PIGM: variants seen among roughly 807,000 people sequenced by gnomAD.
PIGM encodes GPI alpha-1,4-mannosyltransferase I, catalytic subunit.
In PIGM, 7 loss-of-function variants were observed where a neutral mutation model predicts 14.6. The observed-to-expected ratio is 0.48, with a 90% CI of 0.27 to 0.90. The LOEUF (loss-of-function observed/expected upper bound fraction) is 0.90, where lower values mean the gene tolerates loss of function less well. PIGM is among the 40% of genes least tolerant of loss of function. The pLI is 0.12. For missense variants in PIGM, 506 were observed against 516.2 expected (o/e 0.98, Z 0.19); for synonymous variants, 216 against 215.9 (o/e 1.00, Z 0.00).
rs1648165582 is a variant in PIGM at position 160,025,586 on chromosome 1, G to C, written c.*4882C>G. 6.6e-6 allele frequency: 1 copy of C among 152,202 alleles called. No individual in the cohort carries two copies. The highest frequency in any genetic ancestry group is 2.4e-5 in the African/African-American group (1 of 41,450). 9.4% of individuals were successfully genotyped at this position (152,202 alleles called of 1,614,324 possible). ...GAGGGTTTGGAGGTGGAGGGGAGTT[G>C]TTAAAGGCCTGGAATCATTGAAAAG... On this transcript the variant is annotated 3_prime_UTR_variant, in exon 1 of 1. Transcript: ENST00000368090.
rs1456715746 is a variant in PIGM at position 160,031,132 on chromosome 1, CTTTT to C, written c.604_607del (p.Lys202AlafsTer17). The C allele has an allele frequency of 6.2e-7, 1 of 1,613,790 alleles. No homozygotes were observed. The highest frequency in any genetic ancestry group is 1.3e-5 in the African/African-American group (1 of 74,860). ...GAAAGTGTACCGGAATTGACGGAGGCTTTTGTCATTGTCGCGATCTGGAAGCAGG... is the reference window on the plus strand; with the variant it reads ...GAAAGTGTACCGGAATTGACGGAGGCGTCATTGTCGCGATCTGGAAGCAGG... On this transcript the variant is annotated frameshift_variant, in exon 1 of 1. Coordinates refer to ENST00000368090, the MANE Select transcript of PIGM (RefSeq NM_145167.3). LOFTEE classifies it high-confidence loss of function.
rs371507820 is a variant in PIGM at position 160,030,702 on chromosome 1, C to T, written c.1038G>A (p.Val346=). The T allele has an allele frequency of 4.3e-6, 7 of 1,614,112 alleles. No homozygotes were observed. The highest frequency in any genetic ancestry group is 5.9e-6 in the Non-Finnish European group (7 of 1,179,980). ...FLWYLCLLPL[V]MPLVRMPWKR... ...TCCAAGGCATTCTGACTAGTGGCAT[C>T]ACAAGAGGCAGTAAGCAGAGGTACC... The change falls in exon 1 of 1, where the codon GTG becomes GTA. Residue 346 remains valine (V), a synonymous_variant. Coordinates refer to ENST00000368090, the MANE Select transcript of PIGM (RefSeq NM_145167.3).
Position 160,031,952 on chromosome 1 carries a change from C to G in PIGM, c.-213G>C. ...GCGCGGTCTTCTCAGCCGCCCGAGC[C>G]AAAAACTTGCCTTCCTCTGGATGGA... On this transcript the variant is annotated 5_prime_UTR_variant, in exon 1 of 1. Coordinates refer to ENST00000368090, the MANE Select transcript of PIGM (RefSeq NM_145167.3). 1 of 666,826 alleles carries G rather than the reference C, an allele frequency of 1.5e-6. No homozygotes were observed. 41.3% of individuals were successfully genotyped at this position (666,826 alleles called of 1,614,324 possible).
rs972127638 is a variant in PIGM, at chr1:160,027,648, A to G, written c.*2820T>C. The G allele has an allele frequency of 2.6e-5, 4 of 152,262 alleles. No homozygotes were observed. The highest frequency in any genetic ancestry group is 1.3e-4 in the Admixed American group (2 of 15,300). The allele number at this position is 152,262 out of a possible 1,614,324, so 9.4% of individuals were successfully genotyped here. A position where few individuals can be genotyped will look rare whatever the true frequency, so the allele number is the denominator to read the frequency against. On this transcript the variant is annotated 3_prime_UTR_variant, in exon 1 of 1. Coordinates refer to ENST00000368090, the MANE Select transcript of PIGM (RefSeq NM_145167.3). The stretch of plus-strand genomic sequence containing the variant: ...TAAGAGGTGGTATAAGAAAAAAAGA[A>G]TTATATAGGAAATAAGCCAAAGTCT...
chr1:160,030,573 A>T lies in PIGM; in HGVS notation c.1167T>A (p.Ile389=). The change falls in exon 1 of 1, where the codon ATT becomes ATA. Residue 389 remains isoleucine (I), a synonymous_variant. Transcript: ENST00000368090. Reference sequence around the variant, plus strand: ...GAAGAAAGAACAAACCAGCTAACCAAATAAACAGAAAGGTGTTCTTTCCTT... The same window carrying T: ...GAAGAAAGAACAAACCAGCTAACCATATAAACAGAAAGGTGTTCTTTCCTT... The part of the protein sequence containing the change: ...EFQGKNTFLF[I]WLAGLFFLLI... 4 of 1,614,130 alleles carry T rather than the reference A, an allele frequency of 2.5e-6. No individual in the cohort carries two copies. The highest frequency in any genetic ancestry group is 3.4e-6 in the Non-Finnish European group (4 of 1,179,960).
chr1:160,030,775 G>C lies in PIGM; in HGVS notation c.965C>G (p.Ser322Cys). The change falls in exon 1 of 1, where the codon TCC (serine) becomes TGC (cysteine). Residue 322 changes from serine (S) to cysteine (C), a missense_variant. By Grantham distance (112) the Ser-to-Cys change is moderately radical. Coordinates refer to ENST00000368090, the MANE Select transcript of PIGM (RefSeq NM_145167.3). The stretch of plus-strand genomic sequence containing the variant: ...GACTTTGTTAAAAGTCACAAAAATG[G>C]ACGTATGAAGAAAACAACAAAAAAC... ...DLVFCCFLHT[S>C]IFVTFNKVCT... The C allele has an allele frequency of 6.2e-7, 1 of 1,614,148 alleles. No homozygotes were observed. The highest frequency in any genetic ancestry group is 8.5e-7 in the Non-Finnish European group (1 of 1,180,026).
rs1648352071 is a variant in PIGM, at chr1:160,031,905, A to G, written c.-166T>C. 5.6e-6 allele frequency: 5 copies of G among 885,740 alleles called. No individual in the cohort carries two copies. Among genetic ancestry groups the G allele is most frequent in the Admixed American group, 2.0e-5 (1 of 49,920 alleles). 54.9% of individuals were successfully genotyped at this position (885,740 alleles called of 1,614,324 possible). On this transcript the variant is annotated 5_prime_UTR_variant, in exon 1 of 1. Coordinates refer to ENST00000368090, the MANE Select transcript of PIGM (RefSeq NM_145167.3). ...ATCCGGCATGAAGCCCCGCCCCCGT[A>G]CTGCTACCTGTCTCCAGCCCCGCGC...
At position 160,026,896 on chromosome 1, in the gene PIGM, T is replaced by G. The variant is rs1648197337; in HGVS notation, c.*3572A>C. ...CAAGGTGTTGCTCTGTCACCCAGGC[T>G]GGAGTGCAGTGGCACAATCATAGTT... On this transcript the variant is annotated 3_prime_UTR_variant, in exon 1 of 1. Coordinates refer to ENST00000368090, the MANE Select transcript of PIGM (RefSeq NM_145167.3). 6.6e-6 allele frequency: 1 copy of G among 152,102 alleles called. No homozygotes were observed. The highest frequency in any genetic ancestry group is 1.5e-5 in the Non-Finnish European group (1 of 68,018). The allele number at this position is 152,102 out of a possible 1,614,324, so 9.4% of individuals were successfully genotyped here.
In PIGM at chr1:160,026,821, G is replaced by A. The variant is rs1036258811; in HGVS notation, c.*3647C>T. The A allele has an allele frequency of 5.9e-5, 9 of 151,962 alleles. No individual in the cohort carries two copies. The East Asian group carries it at 1.6e-3, about 26-fold the overall frequency. 9.4% of individuals were successfully genotyped at this position (151,962 alleles called of 1,614,324 possible). On this transcript the variant is annotated 3_prime_UTR_variant, in exon 1 of 1. Coordinates refer to ENST00000368090, the MANE Select transcript of PIGM (RefSeq NM_145167.3). Reference sequence around the variant, plus strand: ...AGCCTGGGTGACAAAGCAACATCTTGTCTCAGAAAAATAAAAAAATAAAAT... The same window carrying A: ...AGCCTGGGTGACAAAGCAACATCTTATCTCAGAAAAATAAAAAAATAAAAT...
rs1648184981 is a variant in PIGM at position 160,026,381 on chromosome 1, G to A, written c.*4087C>T. On this transcript the variant is annotated 3_prime_UTR_variant, in exon 1 of 1. Coordinates refer to ENST00000368090, the MANE Select transcript of PIGM (RefSeq NM_145167.3). The stretch of plus-strand genomic sequence containing the variant: ...ATTATGGTTTTGTAAGAAAATACCT[G>A]ATTTTTAGGAGATGCATGCTGATAT... 6.6e-6 allele frequency: 1 copy of A among 152,112 alleles called. No homozygotes were observed. The highest frequency in any genetic ancestry group is 2.4e-5 in the African/African-American group (1 of 41,426). 9.4% of individuals were successfully genotyped at this position (152,112 alleles called of 1,614,324 possible).
chr1:160,031,142 T>C lies in PIGM; in HGVS notation c.598A>G (p.Asn200Asp). The change falls in exon 1 of 1, where the codon AAT (asparagine) becomes GAT (aspartate). Residue 200 changes from asparagine to aspartate, a missense_variant. Physicochemically the swap from Asn to Asp is conservative, Grantham distance 23. Transcript: ENST00000368090. The stretch of plus-strand genomic sequence containing the variant: ...CGGAATTGACGGAGGCTTTTGTCAT[T>C]GTCGCGATCTGGAAGCAGGTGGAGG... Reference protein sequence around the residue: ...ITLHLLPDRDNDKSLRQFRYT... With the variant: ...ITLHLLPDRDDDKSLRQFRYT... 6 of 1,614,004 alleles carry C rather than the reference T, an allele frequency of 3.7e-6. No individual in the cohort carries two copies. The highest frequency in any genetic ancestry group is 4.2e-6 in the Non-Finnish European group (5 of 1,179,908).
In PIGM at chr1:160,027,527, T is replaced by G. The variant is rs762061864; in HGVS notation, c.*2941A>C. ...ACAAAGGCAATTACAGAAGAAAATG[T>G]CATGTAGTTCCCTCTGTTCAGAACA... On this transcript the variant is annotated 3_prime_UTR_variant, in exon 1 of 1. Transcript: ENST00000368090. The G allele has an allele frequency of 6.6e-6, 1 of 152,154 alleles. No individual in the cohort carries two copies. Among genetic ancestry groups the G allele is most frequent in the Non-Finnish European group, 1.5e-5 (1 of 68,024 alleles). The allele number at this position is 152,154 out of a possible 1,614,324, so 9.4% of individuals were successfully genotyped here.
chr1:160,029,325 T>C lies in PIGM; in HGVS notation c.*1143A>G, dbSNP rs970007789. ...AATAGCAGTCTAATACCACTGGGAC[T>C]AAGTGCTATAAAAGTAAGTAATAAA... is the stretch of plus-strand genomic sequence containing the variant. On this transcript the variant is annotated 3_prime_UTR_variant, in exon 1 of 1. Transcript: ENST00000368090. 5 of 151,986 alleles carry C rather than the reference T, an allele frequency of 3.3e-5. No individual in the cohort carries two copies. The highest frequency in any genetic ancestry group is 6.6e-5 in the Admixed American group (1 of 15,264). 9.4% of individuals were successfully genotyped at this position (151,986 alleles called of 1,614,324 possible).
Position 160,029,132 on chromosome 1 carries a change from T to C in PIGM, c.*1336A>G, listed in dbSNP as rs1220415631. ...CTTAAATTCTAGAAGAAAAAAGTCT[T>C]GCTTTAGCAATCAAAAACTTAAAAA... On this transcript the variant is annotated 3_prime_UTR_variant, in exon 1 of 1. Coordinates refer to ENST00000368090, the MANE Select transcript of PIGM (RefSeq NM_145167.3). 1 of 152,226 alleles carries C rather than the reference T, an allele frequency of 6.6e-6. No homozygotes were observed. Among genetic ancestry groups the C allele is most frequent in the Non-Finnish European group, 1.5e-5 (1 of 68,040 alleles). The allele number at this position is 152,226 out of a possible 1,614,324, so 9.4% of individuals were successfully genotyped here. A position where few individuals can be genotyped will look rare whatever the true frequency, so the allele number is the denominator to read the frequency against.
Position 160,025,692 on chromosome 1 carries a change from C to G in PIGM, c.*4776G>C, listed in dbSNP as rs12403242. 19,248 of 152,212 alleles carry G rather than the reference C, an allele frequency of 0.13. 1,607 individuals are homozygous for G. The highest frequency in any genetic ancestry group is 0.18 in the Non-Finnish European group (12,513 of 68,008). The allele number at this position is 152,212 out of a possible 1,614,324, so 9.4% of individuals were successfully genotyped here. On this transcript the variant is annotated 3_prime_UTR_variant, in exon 1 of 1. Transcript: ENST00000368090. ...AAGGACAATTGATTGGCAAGAGACA[C>G]TTGACAGAGCCAGTATTGAGTTCCA... is the stretch of plus-strand genomic sequence containing the variant.
At position 160,025,879 on chromosome 1, in the gene PIGM, G is replaced by A. The variant is rs1402767094; in HGVS notation, c.*4589C>T. On this transcript the variant is annotated 3_prime_UTR_variant, in exon 1 of 1. Transcript: ENST00000368090. ...AATTTAGAATATGAATATCAACTTT[G>A]AAGTGTTGCTGTGAAAATTAAATAA... 6.6e-6 allele frequency: 1 copy of A among 152,180 alleles called. No individual in the cohort carries two copies. Among genetic ancestry groups the A allele is most frequent in the African/African-American group, 2.4e-5 (1 of 41,436 alleles). 9.4% of individuals were successfully genotyped at this position (152,180 alleles called of 1,614,324 possible). A position where few individuals can be genotyped will look rare whatever the true frequency, so the allele number is the denominator to read the frequency against.
In PIGM at chr1:160,030,548, G is replaced by C. The variant is rs376070470; in HGVS notation, c.1192C>G (p.Leu398Val). ...FIWLAGLFFL[L>V]INCSILIQII... ...TGAATCAGGATGGAACAATTGATAAGAAGAAAGAACAAACCAGCTAACCAA... is the reference window on the plus strand; with the variant it reads ...TGAATCAGGATGGAACAATTGATAACAAGAAAGAACAAACCAGCTAACCAA... Residue 398 changes from leucine to valine, a missense_variant, in exon 1 of 1, where the codon CTT becomes GTT. By Grantham distance (32) the Leu-to-Val change is conservative (BLOSUM62 1). Coordinates refer to ENST00000368090, the MANE Select transcript of PIGM (RefSeq NM_145167.3). 6.8e-5 allele frequency: 110 copies of C among 1,613,818 alleles called. No homozygotes were observed. Among genetic ancestry groups the C allele is most frequent in the South Asian group, 2.5e-4 (23 of 91,066 alleles).
rs1648257699 is a variant in PIGM at position 160,029,392 on chromosome 1, TA to T, written c.*1075del. 1.9e-5 allele frequency: 2 copies of T among 108,106 alleles called. No individual in the cohort carries two copies. The highest frequency in any genetic ancestry group is 7.7e-5 in the African/African-American group (2 of 25,820). The allele number at this position is 108,106 out of a possible 1,614,324, so 6.7% of individuals were successfully genotyped here. ...TGATTACAATTTAAATTCTTTGGAT[TA>T]TCTTTTTTTTTTTTTTTTTTTGATA... On this transcript the variant is annotated 3_prime_UTR_variant, in exon 1 of 1. Transcript: ENST00000368090.
Position 160,027,847 on chromosome 1 carries a change from T to A in PIGM, c.*2621A>T, listed in dbSNP as rs1195373873. On this transcript the variant is annotated 3_prime_UTR_variant, in exon 1 of 1. Coordinates refer to ENST00000368090, the MANE Select transcript of PIGM (RefSeq NM_145167.3). ...TTAACTTACTAAATGTTTTGGAACA[T>A]ACAAAGTGCAAAATATCTTTTGCAT... 2 of 152,102 alleles carry A rather than the reference T, an allele frequency of 1.3e-5. No homozygotes were observed. The allele number at this position is 152,102 out of a possible 1,614,324, so 9.4% of individuals were successfully genotyped here. A position where few individuals can be genotyped will look rare whatever the true frequency, so the allele number is the denominator to read the frequency against.
Sources: allele counts gnomAD v4.1 joint callset, GRCh38; gene constraint gnomAD v4.1.1; transcripts MANE v1.5; gene names NCBI Gene and HGNC (gene_info 2026-07-23, HGNC 2026-07-21).